EXOC4: variants seen among roughly 807,000 people sequenced by gnomAD.
The protein encoded by EXOC4 is exocyst complex component 4.
Under a neutral mutation model 107.2 loss-of-function variants are expected in EXOC4, and 71 were observed. That is an observed-to-expected ratio of 0.66 (90% CI 0.55 to 0.81). EXOC4 has a LOEUF of 0.81. EXOC4 is among the 30% of genes least tolerant of loss of function. The pLI is 0.00. For missense variants in EXOC4, 1,108 were observed against 1,189.6 expected, an observed-to-expected ratio of 0.93 and a Z score of 1.01; for synonymous variants, 456 against 441.2, an observed-to-expected ratio of 1.03 and a Z score of -0.42.
chr7:133,380,924 A>G (rs1390706803), intron 7 of EXOC4, among the ~76,000 whole-genome samples: 5 of 152,200 alleles, frequency 3.3e-5, no homozygotes, highest in Non-Finnish European at 4.4e-5. Context: ...AAGATATGGC[A>G]GTGTTCTTTG....
intron 11 of EXOC4, among the ~76,000 whole-genome samples, chr7:133,881,248 G>T (rs994850993): frequency 6.6e-6 from 1 of 151,780 alleles, no homozygotes; most frequent in Non-Finnish European, 1.5e-5. Context: ...CCTCCCACCT[G>T]ATCACGCATA....
intron 11 of EXOC4, among the ~76,000 whole-genome samples, chr7:133,827,519 A>G (rs1797729202): frequency 6.6e-6 from 1 of 152,224 alleles, no homozygotes; most frequent in African/African-American, 2.4e-5. Flanking sequence ...TTTTGGAATA[A>G]TAACAGAGGG....
At chr7:133,932,911 G>GGAGA (rs10561566) in intron 13 of EXOC4, among the ~76,000 whole-genome samples, 15 of 149,388 alleles carry the variant, frequency 1.0e-4, no homozygotes, top group South Asian at 4.3e-4. Flanking sequence ...AATAGGACCA[G>GGAGA]GAGAGAGAGA....
chr7:133,376,503 G>T (rs1426771972), intron 7 of EXOC4, among the ~76,000 whole-genome samples: 1 of 152,164 alleles, frequency 6.6e-6, no homozygotes, highest in African/African-American at 2.4e-5. Context: ...AAGCAACTTA[G>T]GTAGTCAGCA....
intron 10 of EXOC4, among the ~76,000 whole-genome samples, chr7:133,675,254 C>A (rs1794030282): frequency 3.3e-5 from 5 of 152,064 alleles, no homozygotes; most frequent in Non-Finnish European, 5.9e-5. Context: ...GTCAGCTATC[C>A]ATAAATGCAA....
At chr7:133,406,139 C>T (rs1797211205) in intron 7 of EXOC4, among the ~76,000 whole-genome samples, 1 of 152,090 alleles carries the variant, frequency 6.6e-6, no homozygotes, top group Non-Finnish European at 1.5e-5. Flanking sequence ...CCTTTAATTC[C>T]ACGTAACAAG....
At position 133,544,112 on chromosome 7, in the gene EXOC4, A is replaced by G. The variant is rs181140553; in HGVS notation, c.1417+63974A>G. On this transcript the variant is annotated intron_variant, in intron 9 of 17. Coordinates refer to ENST00000253861, the MANE Select transcript of EXOC4 (RefSeq NM_021807.4). ...AATAATGGTGCATTGGGAAAATTCA[A>G]GTATTAAGAAATCAGCATATATTTT... Among the ~76,000 whole-genome samples, 916 of 152,246 alleles carry G rather than the reference A, an allele frequency of 6.0e-3. 11 individuals are homozygous for G. The highest frequency in any genetic ancestry group is 0.024 in the Middle Eastern group (7 of 294).
At chr7:133,484,065 A>G (rs1799219056) in intron 9 of EXOC4, 1 of 1,613,930 alleles carries the variant, frequency 6.2e-7, no homozygotes, top group Non-Finnish European at 8.5e-7. Context: ...ATCCACCAGA[A>G]AGACAATCAA....
intron 1 of EXOC4, among the ~76,000 whole-genome samples, chr7:133,273,650 A>G (rs1324295199): frequency 1.3e-5 from 2 of 152,200 alleles, no homozygotes; most frequent in South Asian, 2.1e-4. Context: ...GAATTTCCCT[A>G]TAAATTGGAA....
chr7:133,864,453 T>C (rs920518641), intron 11 of EXOC4, among the ~76,000 whole-genome samples: 3 of 152,082 alleles, frequency 2.0e-5, no homozygotes, highest in Non-Finnish European at 4.4e-5. Flanking sequence ...GGGAGTCTCA[T>C]TAATTTACAA....
intron 12 of EXOC4, among the ~76,000 whole-genome samples, chr7:133,906,116 A>G (rs10253633): frequency 0.47 from 70,664 of 151,698 alleles, 17,723 homozygotes; most frequent in African/African-American, 0.65. Flanking sequence ...GAAGGAGTAC[A>G]TGATCGAAGT....
chr7:133,533,357 T>C (rs1800215176), intron 9 of EXOC4, among the ~76,000 whole-genome samples: 1 of 152,136 alleles, frequency 6.6e-6, no homozygotes, highest in Admixed American at 6.6e-5. Flanking sequence ...TTTTTGGTCT[T>C]AAGTGATGGA....
At chr7:133,614,037 C>T (rs1052676002) in intron 9 of EXOC4, among the ~76,000 whole-genome samples, 1 of 152,170 alleles carries the variant, frequency 6.6e-6, no homozygotes, top group Non-Finnish European at 1.5e-5. Flanking sequence ...GAAGCAGCTT[C>T]TGCCAACCAA....
intron 11 of EXOC4, among the ~76,000 whole-genome samples, chr7:133,864,383 T>C (rs992631813): frequency 6.6e-6 from 1 of 152,160 alleles, no homozygotes; most frequent in Non-Finnish European, 1.5e-5. Flanking sequence ...CTTGACTAAC[T>C]CTGATTTTGT....
chr7:133,579,646 C>T (rs1801206633), intron 9 of EXOC4, among the ~76,000 whole-genome samples: 1 of 151,984 alleles, frequency 6.6e-6, no homozygotes, highest in South Asian at 2.1e-4. Flanking sequence ...CCCATTCTCC[C>T]CTTCCTCAAG....
At chr7:133,607,828 A>C (rs879481500) in intron 9 of EXOC4, among the ~76,000 whole-genome samples, 1 of 152,254 alleles carries the variant, frequency 6.6e-6, no homozygotes, top group Non-Finnish European at 1.5e-5. Flanking sequence ...GGACCATTGC[A>C]TAAAACTACA....
chr7:133,523,418 G>C (rs1800016562), intron 9 of EXOC4, among the ~76,000 whole-genome samples: 1 of 150,718 alleles, frequency 6.6e-6, no homozygotes, highest in South Asian at 2.1e-4. Context: ...TGAAAATTAA[G>C]AGTATATATA....
chr7:134,012,016 G>A (rs1404745323), intron 17 of EXOC4, among the ~76,000 whole-genome samples: 1 of 152,194 alleles, frequency 6.6e-6, no homozygotes, highest in Non-Finnish European at 1.5e-5. Context: ...CTTAACATCT[G>A]AAGAACAGAG....
At chr7:133,971,484 T>C (rs1801237007) in intron 14 of EXOC4, among the ~76,000 whole-genome samples, 1 of 150,854 alleles carries the variant, frequency 6.6e-6, no homozygotes, top group African/African-American at 2.4e-5. Context: ...TACACATATA[T>C]ACATAAATAT....
Sources: allele counts gnomAD v4.1 joint callset (sites outside exome capture counted in the v4.1 genomes callset), GRCh38; gene constraint gnomAD v4.1.1; transcripts MANE v1.5; gene names NCBI Gene and HGNC (gene_info 2026-07-23, HGNC 2026-07-21).